The following C1QL3 variants were observed in gnomAD, a reference collection of about 807,000 sequenced individuals.
C1QL3 encodes complement C1q-like protein 3.
In C1QL3, 4 loss-of-function variants were observed where a neutral mutation model predicts 16.6. The ratio of observed to expected loss-of-function variants is 0.24; its 90% CI spans 0.12 to 0.55. C1QL3 has a LOEUF of 0.55. C1QL3 is among the 20% of genes least tolerant of loss of function. The pLI is 0.94. For missense variants in C1QL3, 269 were observed against 365.6 expected (o/e 0.74, Z 2.16); for synonymous variants, 189 against 160.2 (o/e 1.18, Z -1.36).
chr10:16,519,139 A>ATTTTTTTTTTTTTTTTTTTTTTT (rs1385047282), intron 1 of C1QL3, among the ~76,000 whole-genome samples: 5 of 26,136 alleles, frequency 1.9e-4, no homozygotes, highest in African/African-American at 1.3e-3. Flanking sequence ...CGCATTTAGG[A>ATTTTTTTTTTTTTTTTTTTTTTT]CTTTTTTTTT....
intron 1 of C1QL3, among the ~76,000 whole-genome samples, chr10:16,515,013 C>T (rs1396912477): frequency 6.6e-6 from 1 of 152,068 alleles, no homozygotes; most frequent in Non-Finnish European, 1.5e-5. Flanking sequence ...TTTTCTAACT[C>T]CTTCGATCCC....
chr10:16,518,650 T>C (rs1836989238), intron 1 of C1QL3, among the ~76,000 whole-genome samples: 1 of 152,272 alleles, frequency 6.6e-6, no homozygotes, highest in African/African-American at 2.4e-5. Flanking sequence ...CCCTTCTTTT[T>C]TCATGCAATT....
chr10:16,520,441 T>TCCCAACCCCC lies in C1QL3; in HGVS notation c.588+36_588+37insGGGGGTTGGG. On this transcript the variant is annotated intron_variant, in intron 1 of 1. Transcript: ENST00000298943. This position sits in a 1 kb window ranked among gnomAD's most constrained non-coding sequence, Gnocchi z 8.3. ...CCCTCTCGCCCGCACCTTCCCGCGC[T>TCCCAACCCCC]CCCTCCCCGCCCTCCCCGCCGCCCG... 1 of 1,227,528 alleles carries TCCCAACCCCC rather than the reference T, an allele frequency of 8.1e-7. No homozygotes were observed. The highest frequency in any genetic ancestry group is 1.1e-6 in the Non-Finnish European group (1 of 881,042). 76.0% of individuals were successfully genotyped at this position (1,227,528 alleles called of 1,614,324 possible). A position where few individuals can be genotyped will look rare whatever the true frequency, so the allele number is the denominator to read the frequency against.
Position 16,521,752 on chromosome 10 carries a change from A to G in C1QL3, c.-687T>C, listed in dbSNP as rs1032952119. ...GGCGGCGGCGGCGGGCACGGTCGGC[A>G]CGGCGAGGCTCAGAGCTGGGGCGGA... On this transcript the variant is annotated 5_prime_UTR_variant, in exon 1 of 2. Coordinates refer to ENST00000298943, the MANE Select transcript of C1QL3 (RefSeq NM_001010908.2). 4.6e-5 allele frequency: 7 copies of G among 153,354 alleles called. No homozygotes were observed. The highest frequency in any genetic ancestry group is 2.6e-4 in the Admixed American group (4 of 15,270). The allele number at this position is 153,354 out of a possible 1,614,324, so 9.5% of individuals were successfully genotyped here.
Position 16,521,761 on chromosome 10 carries a change from C to A in C1QL3, c.-696G>T. 6.5e-6 allele frequency: 1 copy of A among 153,740 alleles called. No individual in the cohort carries two copies. Among genetic ancestry groups the A allele is most frequent in the Non-Finnish European group, 1.5e-5 (1 of 68,954 alleles). The allele number at this position is 153,740 out of a possible 1,614,324, so 9.5% of individuals were successfully genotyped here. A position where few individuals can be genotyped will look rare whatever the true frequency, so the allele number is the denominator to read the frequency against. ...GGCGGGCACGGTCGGCACGGCGAGG[C>A]TCAGAGCTGGGGCGGAGGAGCGAGC... On this transcript the variant is annotated 5_prime_UTR_variant, in exon 1 of 2. Transcript: ENST00000298943.
intron 1 of C1QL3, among the ~76,000 whole-genome samples, chr10:16,517,142 C>A (rs1348892105): frequency 6.6e-6 from 1 of 152,234 alleles, no homozygotes; most frequent in Non-Finnish European, 1.5e-5. Flanking sequence ...TTTCAGCATT[C>A]TGTCTGGGAA....
chr10:16,515,714 T>C (rs923407163), intron 1 of C1QL3, among the ~76,000 whole-genome samples: 22 of 152,204 alleles, frequency 1.4e-4, no homozygotes, highest in Non-Finnish European at 2.4e-4. Context: ...CATTTAGATA[T>C]ATTGTGATTC....
Position 16,520,545 on chromosome 10 carries a change from G to A in C1QL3, c.521C>T (p.Thr174Ile). The A allele has an allele frequency of 1.2e-6, 2 of 1,612,984 alleles. No homozygotes were observed. The highest frequency in any genetic ancestry group is 1.7e-6 in the Non-Finnish European group (2 of 1,179,528). Residue 174 changes from threonine to isoleucine, a missense_variant, in exon 1 of 2, where the codon ACC becomes ATC. Thr to Ile is a moderately conservative substitution (Grantham distance 89). This residue lies in a region of C1QL3 where 246 missense variants were observed against 297.2 expected (regional missense o/e 0.83). Transcript: ENST00000298943. The surrounding 1 kb of genome is among the most constrained non-coding windows in gnomAD (Gnocchi z 8.3). Reference protein sequence around the residue: ...TCSIPGIYFFTYHVLMRGGDG... With the variant: ...TCSIPGIYFFIYHVLMRGGDG... ...CCCTCCGCGCATCAGGACGTGGTAGGTGAAGAAGTAGATGCCCGGGATGGA... is the reference window on the plus strand; with the variant it reads ...CCCTCCGCGCATCAGGACGTGGTAGATGAAGAAGTAGATGCCCGGGATGGA...
intron 1 of C1QL3, among the ~76,000 whole-genome samples, chr10:16,518,060 T>C (rs1393410386): frequency 6.6e-6 from 1 of 152,220 alleles, no homozygotes; most frequent in Non-Finnish European, 1.5e-5. Flanking sequence ...TACACTGACA[T>C]GGATCTCTGA....
At chr10:16,519,980 T>C (rs898585356) in intron 1 of C1QL3, among the ~76,000 whole-genome samples, 21 of 152,180 alleles carry the variant, frequency 1.4e-4, no homozygotes, top group Non-Finnish European at 4.4e-5. Flanking sequence ...GGCTGAGCCC[T>C]GCTTGGACTC....
chr10:16,520,874 G>T lies in C1QL3; in HGVS notation c.192C>A (p.Gly64=). Reference sequence around the variant, plus strand: ...CCGCCTTCCCGGGCCTGCCGGCCTCGCCTTTGGGGCCCTGGATGAAGGTGG... The same window carrying T: ...CCGCCTTCCCGGGCCTGCCGGCCTCTCCTTTGGGGCCCTGGATGAAGGTGG... ...SLPTFIQGPK[G]EAGRPGKAGP... is the part of the protein sequence containing the mutation. The change falls in exon 1 of 2, where the codon GGC becomes GGA. Residue 64 remains glycine (G), a synonymous_variant. Transcript: ENST00000298943. The surrounding 1 kb of genome is among the most constrained non-coding windows in gnomAD (Gnocchi z 8.3). 1.4e-6 allele frequency: 2 copies of T among 1,478,430 alleles called. No homozygotes were observed. Among genetic ancestry groups the T allele is most frequent in the East Asian group, 2.9e-5 (1 of 34,750 alleles). The allele number at this position is 1,478,430 out of a possible 1,614,324, so 91.6% of individuals were successfully genotyped here.
intron 1 of C1QL3, among the ~76,000 whole-genome samples, chr10:16,517,868 T>G (rs1183357725): frequency 6.6e-6 from 1 of 152,214 alleles, no homozygotes; most frequent in African/African-American, 2.4e-5. Flanking sequence ...AAAGGTTAAG[T>G]GGCACATCAG....
intron 1 of C1QL3, among the ~76,000 whole-genome samples, chr10:16,515,224 G>GA (rs71952606): frequency 0.41 from 54,606 of 134,634 alleles, 10,415 homozygotes; most frequent in South Asian, 0.49. Context: ...TACTTACAAA[G>GA]AAAAAAAAAA....
chr10:16,521,354 G>A lies in C1QL3; in HGVS notation c.-289C>T. The A allele has an allele frequency of 3.2e-6, 1 of 314,308 alleles. No homozygotes were observed. The highest frequency in any genetic ancestry group is 5.8e-6 in the Non-Finnish European group (1 of 172,532). The allele number at this position is 314,308 out of a possible 1,614,324, so 19.5% of individuals were successfully genotyped here. A position where few individuals can be genotyped will look rare whatever the true frequency, so the allele number is the denominator to read the frequency against. On this transcript the variant is annotated 5_prime_UTR_variant, in exon 1 of 2. Transcript: ENST00000298943. ...GCCCGGGGTGGGGGCCGGGGGAGGGGTGCGCGGGGCGCCCTCGCCCCCCGC... is the reference window on the plus strand; with the variant it reads ...GCCCGGGGTGGGGGCCGGGGGAGGGATGCGCGGGGCGCCCTCGCCCCCCGC...
chr10:16,516,621 CT>C (rs1390180971), intron 1 of C1QL3, among the ~76,000 whole-genome samples: 1 of 152,052 alleles, frequency 6.6e-6, no homozygotes, highest in African/African-American at 2.4e-5. Context: ...ACATGGTTTT[CT>C]ACATGAAGGT....
rs777367197 is a variant in C1QL3, at chr10:16,514,531, G to C, written c.765C>G (p.Asp255Glu). Reference sequence around the variant, plus strand: ...AATAAGCTTAGTTTCTGCATTATCAGTCAGCATAAATAATAAATCCAGAAA... The same window carrying C: ...AATAAGCTTAGTTTCTGCATTATCACTCAGCATAAATAATAAATCCAGAAA... ...STFSGFIIYA[D>E] Residue 255 changes from aspartate to glutamate, a missense_variant, in exon 2 of 2, where the codon GAC becomes GAG. Physicochemically the swap from Asp to Glu is conservative, Grantham distance 45 (BLOSUM62 2). Coordinates refer to ENST00000298943, the MANE Select transcript of C1QL3 (RefSeq NM_001010908.2). 2.5e-6 allele frequency: 4 copies of C among 1,612,376 alleles called. No homozygotes were observed. In the South Asian group the frequency reaches 4.4e-5, roughly 18 times the overall value.
At chr10:16,517,577 A>G (rs955580983) in intron 1 of C1QL3, among the ~76,000 whole-genome samples, 1 of 152,190 alleles carries the variant, frequency 6.6e-6, no homozygotes, top group African/African-American at 2.4e-5. Flanking sequence ...CCAAATGTAA[A>G]GCTATTTGAG....
At position 16,521,119 on chromosome 10, in the gene C1QL3, G is replaced by A. The variant is rs1188192822; in HGVS notation, c.-54C>T. 2.0e-6 allele frequency: 3 copies of A among 1,478,826 alleles called. No homozygotes were observed. Among genetic ancestry groups the A allele is most frequent in the East Asian group, 2.4e-5 (1 of 41,242 alleles). The allele number at this position is 1,478,826 out of a possible 1,614,324, so 91.6% of individuals were successfully genotyped here. A position where few individuals can be genotyped will look rare whatever the true frequency, so the allele number is the denominator to read the frequency against. On this transcript the variant is annotated 5_prime_UTR_variant, in exon 1 of 2. Transcript: ENST00000298943. ...AGGCGCCTCCTGCTGCCCACCAGCC[G>A]GCTCAGCGCGGGGCGATCCTCTTGT...
Position 16,514,066 on chromosome 10 carries a change from T to G in C1QL3, c.*462A>C. 2.7e-6 allele frequency: 1 copy of G among 363,934 alleles called. No individual in the cohort carries two copies. The highest frequency in any genetic ancestry group is 4.9e-6 in the Non-Finnish European group (1 of 204,250). 22.5% of individuals were successfully genotyped at this position (363,934 alleles called of 1,614,324 possible). On this transcript the variant is annotated 3_prime_UTR_variant, in exon 2 of 2. Coordinates refer to ENST00000298943, the MANE Select transcript of C1QL3 (RefSeq NM_001010908.2). ...TGGGGACAAGCAGCATTATTTCAAT[T>G]AGACCTTCTCCTGCAGGGCAAAAAT...
Sources: allele counts gnomAD v4.1 joint callset (sites outside exome capture counted in the v4.1 genomes callset), GRCh38; gene constraint gnomAD v4.1.1; regional missense constraint gnomAD v4.1.1; non-coding constraint Gnocchi (gnomAD v3.1); transcripts MANE v1.5; gene names NCBI Gene and HGNC (gene_info 2026-07-23, HGNC 2026-07-21).